Variants in SGCD observed in about 807,000 individuals in gnomAD.
SGCD encodes the protein delta-sarcoglycan.
In SGCD, 18 loss-of-function variants were observed where a neutral mutation model predicts 36.6. That is an observed-to-expected ratio of 0.49 (90% CI 0.34 to 0.73). The LOEUF is 0.73. Ranked by LOEUF, SGCD falls within the 30% of genes least tolerant of loss-of-function variation. The probability of loss-of-function intolerance (pLI) is 0.01; values close to 1 mark genes in which losing one functional copy is unlikely to be tolerated. For synonymous variants in SGCD, 133 were observed against 130.6 expected (o/e 1.02, Z -0.12); for missense variants, 387 against 346.7 (o/e 1.12, Z -0.92).
At chr5:156,635,683 C>T (rs866586566) in intron 6 of SGCD, among the ~76,000 whole-genome samples, 19 of 152,112 alleles carry the variant, frequency 1.2e-4, no homozygotes, top group Admixed American at 2.6e-4. Context: ...GGCACCTATA[C>T]ACCATGGAAT....
At chr5:155,877,948 T>A (rs2113288807) in intron 1 of SGCD, among the ~76,000 whole-genome samples, 1 of 152,192 alleles carries the variant, frequency 6.6e-6, no homozygotes, top group African/African-American at 2.4e-5. Flanking sequence ...CTTAATAAAG[T>A]CAGCCCCACT....
At chr5:156,750,637 A>ACT (rs1757115173) in intron 7 of SGCD, among the ~76,000 whole-genome samples, 2 of 151,464 alleles carry the variant, frequency 1.3e-5, no homozygotes, top group South Asian at 2.1e-4. Flanking sequence ...CAAGAGTGAA[A>ACT]CTCTGTCTCA....
At chr5:155,909,109 A>G (rs1756580453) in intron 1 of SGCD, among the ~76,000 whole-genome samples, 1 of 152,070 alleles carries the variant, frequency 6.6e-6, no homozygotes, top group Non-Finnish European at 1.5e-5. Context: ...GTGGGGAATA[A>G]TCTGTCTGCA....
At chr5:156,016,129 A>G (rs189825550) in intron 1 of SGCD, among the ~76,000 whole-genome samples, 159 of 152,226 alleles carry the variant, frequency 1.0e-3, no homozygotes, top group Middle Eastern at 3.4e-3. Flanking sequence ...CATTTGCTCA[A>G]TTCTGCAATA....
chr5:155,990,096 T>C (rs1427540795), intron 1 of SGCD, among the ~76,000 whole-genome samples: 1 of 152,200 alleles, frequency 6.6e-6, no homozygotes, highest in African/African-American at 2.4e-5. Flanking sequence ...ACAACTGCTG[T>C]CAGAGCCAGC....
chr5:156,578,712 A>G (rs533442085), intron 4 of SGCD, among the ~76,000 whole-genome samples: 4 of 152,282 alleles, frequency 2.6e-5, no homozygotes, highest in East Asian at 1.9e-4. Flanking sequence ...AGAAGTGTTT[A>G]TAGTATTCTC....
chr5:156,656,216 A>AACCCAT (rs1763670965), intron 7 of SGCD, among the ~76,000 whole-genome samples: 2 of 152,288 alleles, frequency 1.3e-5, no homozygotes, highest in South Asian at 4.1e-4. Flanking sequence ...TTATTTAAAT[A>AACCCAT]AAGTAATTTT....
chr5:156,268,427 C>T (rs930944980), intron 3 of SGCD, among the ~76,000 whole-genome samples: 14 of 152,146 alleles, frequency 9.2e-5, no homozygotes, highest in Non-Finnish European at 1.6e-4. Flanking sequence ...ACTCTCCCAC[C>T]AACAGTGTAT....
chr5:156,232,176 A>G (rs1236404563), intron 3 of SGCD, among the ~76,000 whole-genome samples: 1 of 152,188 alleles, frequency 6.6e-6, no homozygotes, highest in East Asian at 1.9e-4. Flanking sequence ...TAAAACCTCC[A>G]TAGGCCTCCA....
chr5:156,617,056 T>C (rs2113482379), intron 6 of SGCD, among the ~76,000 whole-genome samples: 1 of 152,370 alleles, frequency 6.6e-6, no homozygotes, highest in East Asian at 1.9e-4. Flanking sequence ...CATGACATGA[T>C]GTATATTTGT....
intron 7 of SGCD, among the ~76,000 whole-genome samples, chr5:156,657,511 C>G (rs927411376): frequency 6.6e-6 from 1 of 151,450 alleles, no homozygotes; most frequent in East Asian, 1.9e-4. Context: ...GCCTATGATC[C>G]CAGCACTTTG....
chr5:156,071,605 C>A (rs1441895716), intron 1 of SGCD, among the ~76,000 whole-genome samples: 1 of 152,108 alleles, frequency 6.6e-6, no homozygotes, highest in Non-Finnish European at 1.5e-5. Context: ...AATGTATATT[C>A]TGTTGATTTG....
intron 6 of SGCD, among the ~76,000 whole-genome samples, chr5:156,622,478 A>AATAATAATT (rs1235273602): frequency 3.1e-4 from 44 of 141,278 alleles, no homozygotes; most frequent in African/African-American, 9.8e-4. Flanking sequence ...TAATAATAAT[A>AATAATAATT]ATTTAGGGAA....
chr5:155,863,608 AAAATT>A, the SGCD span, among the ~76,000 whole-genome samples: 1 of 150,486 alleles, frequency 6.6e-6, no homozygotes, highest in Non-Finnish European at 1.5e-5. Flanking sequence ...CAGAACAAAG[AAAATT>A]CATACCATCA....
At chr5:156,758,620 C>A (rs1445065431) in intron 8 of SGCD, among the ~76,000 whole-genome samples, 1 of 152,088 alleles carries the variant, frequency 6.6e-6, no homozygotes, top group African/African-American at 2.4e-5. Flanking sequence ...TAGTGGCTAC[C>A]TCACATATGC....
intron 7 of SGCD, among the ~76,000 whole-genome samples, chr5:156,736,203 C>T (rs992310056): frequency 3.9e-5 from 6 of 152,146 alleles, no homozygotes. Flanking sequence ...CCTTCCTTTC[C>T]TCTCTGTGAG....
chr5:156,273,605 T>C (rs1485068584), intron 3 of SGCD, among the ~76,000 whole-genome samples: 1 of 152,202 alleles, frequency 6.6e-6, no homozygotes, highest in Non-Finnish European at 1.5e-5. Flanking sequence ...AAGAGTCTAA[T>C]CATCTAGAAG....
intron 2 of SGCD, among the ~76,000 whole-genome samples, chr5:156,119,636 C>T (rs1227949072): frequency 1.3e-5 from 2 of 152,042 alleles, no homozygotes; most frequent in Non-Finnish European, 2.9e-5. Flanking sequence ...TTCATCCTTT[C>T]CCCCAGCACA....
chr5:156,118,500 T>C (rs749989158), intron 2 of SGCD, among the ~76,000 whole-genome samples: 11 of 152,160 alleles, frequency 7.2e-5, no homozygotes, highest in Non-Finnish European at 1.3e-4. Flanking sequence ...GCATCTATTC[T>C]GTGTACATTC....
Sources: allele counts gnomAD v4.1 joint callset (sites outside exome capture counted in the v4.1 genomes callset), GRCh38; gene constraint gnomAD v4.1.1; transcripts MANE v1.5; gene names NCBI Gene and HGNC (gene_info 2026-07-23, HGNC 2026-07-21).